Variants in ADH4 observed in about 807,000 individuals in gnomAD.
The protein encoded by ADH4 is all-trans-retinol dehydrogenase [NAD(+)] ADH4.
A neutral mutation model predicts 35.2 loss-of-function variants in ADH4; 31 were observed. The ratio of observed to expected loss-of-function variants is 0.88; its 90% CI spans 0.66 to 1.19. The LOEUF (loss-of-function observed/expected upper bound fraction) is 1.19. Among genes scored for constraint, ADH4 ranks in the 50% most tolerant of loss-of-function variants. ADH4 has a pLI of 0.00. For synonymous variants in ADH4, 171 were observed against 160.2 expected, an observed-to-expected ratio of 1.07 and a Z score of -0.51; for missense variants, 476 against 458.3, an observed-to-expected ratio of 1.04 and a Z score of -0.35.
At chr4:99,128,823 G>T (rs963996624) in intron 6 of ADH4, among the ~76,000 whole-genome samples, 10 of 151,118 alleles carry the variant, frequency 6.6e-5, no homozygotes, top group African/African-American at 2.4e-4. Flanking sequence ...TTTTTTTGAG[G>T]CAGTCTCACT....
At chr4:99,141,410 C>T (rs527265519) in intron 3 of ADH4, 131 bp downstream of exon 3, 51 of 832,582 alleles carry the variant, frequency 6.1e-5, no homozygotes, top group African/African-American at 5.5e-4. Context: ...TTGTGTCTCT[C>T]GTTTTACTTT....
At chr4:99,137,070 C>G (rs1266080974) in intron 4 of ADH4, among the ~76,000 whole-genome samples, 3 of 152,072 alleles carry the variant, frequency 2.0e-5, no homozygotes, top group Non-Finnish European at 4.4e-5. Flanking sequence ...CTGCCTCAGC[C>G]TCCCGAGTAG....
At chr4:99,141,785 A>G in intron 2 of ADH4, 103 bp from the exon 3 acceptor site, 1 of 1,044,708 alleles carries the variant, frequency 9.6e-7, no homozygotes, top group Non-Finnish European at 1.3e-6. Context: ...ACTTTATAAG[A>G]CTTCTAGAAC....
chr4:99,124,942 A>G (rs1254576273), intron 8 of ADH4, among the ~76,000 whole-genome samples: 2 of 152,154 alleles, frequency 1.3e-5, no homozygotes, highest in African/African-American at 4.8e-5. Context: ...AGCCTCAAGG[A>G]CAGAGCAGTC....
chr4:99,134,095 T>C (rs1579398414), intron 5 of ADH4, among the ~76,000 whole-genome samples: 1 of 152,168 alleles, frequency 6.6e-6, no homozygotes, highest in African/African-American at 2.4e-5. Context: ...CTCACTTATA[T>C]GTGGAAAAGA....
intron 6 of ADH4, among the ~76,000 whole-genome samples, chr4:99,129,538 CTTAACTT>C (rs2110493107): frequency 6.6e-6 from 1 of 152,280 alleles, no homozygotes; most frequent in Admixed American, 6.5e-5. Flanking sequence ...TTAAAAGAAA[CTTAACTT>C]TTAGTTTTAT....
In ADH4 at chr4:99,136,345, T is replaced by C. The variant is rs1729431311; in HGVS notation, c.582+121A>G. 7.9e-6 allele frequency: 6 copies of C among 759,044 alleles called. No homozygotes were observed. The South Asian group carries it at 1.0e-4, about 13-fold the overall frequency. The allele number at this position is 759,044 out of a possible 1,614,324, so 47.0% of individuals were successfully genotyped here. A position where few individuals can be genotyped will look rare whatever the true frequency, so the allele number is the denominator to read the frequency against. ...TTCTAGAGGGATTAAATAACTTGCT[T>C]AAAATCACAGAGGTAATAAATGACA... On this transcript the variant is annotated intron_variant, in intron 5 of 8. Transcript: ENST00000265512.
At chr4:99,136,734 G>T (rs1205145919) in intron 4 of ADH4, 37 bp from the exon 5 acceptor site, 1 of 1,353,750 alleles carries the variant, frequency 7.4e-7, no homozygotes, top group South Asian at 1.2e-5. Flanking sequence ...CAAATAAAGA[G>T]AAGTTATAAT....
chr4:99,141,940 C>T (rs1213441053), intron 2 of ADH4, among the ~76,000 whole-genome samples: 1 of 151,998 alleles, frequency 6.6e-6, no homozygotes, highest in Non-Finnish European at 1.5e-5. Context: ...TTATTGCCTC[C>T]AGGAGAGGAA....
chr4:99,134,514 T>C (rs1238611239), intron 5 of ADH4, among the ~76,000 whole-genome samples: 1 of 152,034 alleles, frequency 6.6e-6, no homozygotes, highest in Admixed American at 6.6e-5. Flanking sequence ...ACTGGAGTAG[T>C]AGAAGAGGAT....
At position 99,141,697 on chromosome 4, in the gene ADH4, C is replaced by G; in HGVS notation, c.121-15G>C. The G allele has an allele frequency of 6.2e-7, 1 of 1,611,510 alleles. No individual in the cohort carries two copies. The highest frequency in any genetic ancestry group is 1.3e-5 in the African/African-American group (1 of 74,978). ...GTAGCAATGATCTACAAGGCAATCA[C>G]AGACTTTAATTGTGTTTCTGCAACT... On this transcript the variant is annotated splice_polypyrimidine_tract_variant and intron_variant, in intron 2 of 8. Transcript: ENST00000265512.
intron 3 of ADH4, among the ~76,000 whole-genome samples, chr4:99,139,724 A>T (rs1306063404): frequency 6.6e-6 from 1 of 152,188 alleles, no homozygotes; most frequent in African/African-American, 2.4e-5. Context: ...TTCAGAACTT[A>T]ATTCTCAGAG....
chr4:99,138,051 C>A (rs1729501061), intron 4 of ADH4, among the ~76,000 whole-genome samples: 1 of 152,188 alleles, frequency 6.6e-6, no homozygotes, highest in Non-Finnish European at 1.5e-5. Flanking sequence ...TCTATCCCTG[C>A]ATCCCCTCAT....
chr4:99,124,563 C>A, intron 8 of ADH4, 97 bp from the exon 9 acceptor site: 1 of 732,098 alleles, frequency 1.4e-6, no homozygotes, highest in South Asian at 1.9e-5. Flanking sequence ...AGGATCTGGT[C>A]TTCCTTTATA....
At chr4:99,137,347 C>T (rs896248910) in intron 4 of ADH4, among the ~76,000 whole-genome samples, 15 of 151,822 alleles carry the variant, frequency 9.9e-5, no homozygotes, top group Non-Finnish European at 2.1e-4. Flanking sequence ...AGGCTGGTCT[C>T]GAACTCCTGA....
intron 6 of ADH4, among the ~76,000 whole-genome samples, chr4:99,128,227 G>C (rs966060281): frequency 6.6e-6 from 1 of 152,166 alleles, no homozygotes; most frequent in Non-Finnish European, 1.5e-5. Flanking sequence ...TTGAGATCAG[G>C]AGTTCAAGAC....
At position 99,131,642 on chromosome 4, in the gene ADH4, A is replaced by G; in HGVS notation, c.705T>C (p.Phe235=). ...IIGIDINSEK[F]VKAKALGATD... ...TGGCTCCCAGGGCTTTAGCCTTCAC[A>G]AACTTCTCACTGTTGATGTCAATAC... The change falls in exon 6 of 9, where the codon TTT becomes TTC. Residue 235 remains phenylalanine (F), a synonymous_variant. Transcript: ENST00000265512. 2 of 1,614,154 alleles carry G rather than the reference A, an allele frequency of 1.2e-6. No homozygotes were observed. Among genetic ancestry groups the G allele is most frequent in the Non-Finnish European group, 1.7e-6 (2 of 1,180,004 alleles).
At chr4:99,141,472 C>A in intron 3 of ADH4, 69 bp downstream of exon 3, 1 of 1,469,654 alleles carries the variant, frequency 6.8e-7, no homozygotes. Context: ...CATGCCAAGC[C>A]AGGACTCTAT....
In ADH4 at chr4:99,142,683, A is replaced by C. The variant is rs1207773591; in HGVS notation, c.116T>G (p.Ile39Ser). Residue 39 changes from isoleucine to serine, a missense_variant, in exon 2 of 9, where the codon ATT becomes AGT. By Grantham distance (142) the Ile-to-Ser change is moderately radical. Coordinates refer to ENST00000265512, the MANE Select transcript of ADH4 (RefSeq NM_000670.5). ...VAPPKAHEVR[I>S]QIIATSLCHT... ...CCAAGGAAAGTCTCCACTTACCTGA[A>C]TGCGAACTTCATGAGCCTTGGGGGG... The C allele has an allele frequency of 6.4e-6, 10 of 1,571,566 alleles. No homozygotes were observed. Among genetic ancestry groups the C allele is most frequent in the Non-Finnish European group, 2.6e-6 (3 of 1,163,318 alleles).
Sources: allele counts gnomAD v4.1 joint callset (sites outside exome capture counted in the v4.1 genomes callset), GRCh38; gene constraint gnomAD v4.1.1; transcripts MANE v1.5; gene names NCBI Gene and HGNC (gene_info 2026-07-23, HGNC 2026-07-21).